CYFIP1: variants seen among roughly 807,000 people sequenced by gnomAD.
The protein encoded by CYFIP1 is cytoplasmic FMR1 interacting protein 1, also known as cytoplasmic FMR1-interacting protein 1.
A neutral mutation model predicts 163.5 loss-of-function variants in CYFIP1; 58 were observed. The observed-to-expected ratio is 0.35, with a 90% CI of 0.29 to 0.44. The LOEUF (loss-of-function observed/expected upper bound fraction) is 0.44. CYFIP1 is among the 20% of genes least tolerant of loss of function. CYFIP1 has a pLI of 1.00. For missense variants in CYFIP1, 1,338 were observed against 1,653.8 expected (o/e 0.81, Z 3.31); for synonymous variants, 663 against 660.7 (o/e 1.00, Z -0.05).
At chr15:22,911,561 T>A (rs2060789286) in intron 18 of CYFIP1, among the ~76,000 whole-genome samples, 1 of 152,178 alleles carries the variant, frequency 6.6e-6, no homozygotes, top group Non-Finnish European at 1.5e-5. Flanking sequence ...CACTATCTCC[T>A]GGAACTGTGA....
chr15:22,923,942 C>CAAAAA (rs916058496), intron 13 of CYFIP1, among the ~76,000 whole-genome samples: 1,407 of 61,786 alleles, frequency 0.023, 98 homozygotes, highest in African/African-American at 0.039. Context: ...ACCTTGTCTC[C>CAAAAA]AAAAAAAAAA....
chr15:22,912,210 T>C lies in CYFIP1; in HGVS notation c.2051A>G (p.Lys684Arg). The C allele has an allele frequency of 6.2e-7, 1 of 1,614,156 alleles. No individual in the cohort carries two copies. The highest frequency in any genetic ancestry group is 8.5e-7 in the Non-Finnish European group (1 of 1,179,988). ...CTCAATTTCGTCGTACAGGAACTGC[T>C]TGTTGAACCTGGTGAGCGCGTAGTG... ...SAHYALTRFN[K>R]QFLYDEIEAE... Residue 684 changes from lysine to arginine, a missense_variant, in exon 18 of 31, where the codon AAG becomes AGG. Transcript: ENST00000617928.
At chr15:22,908,897 C>T (rs2060682339) in intron 21 of CYFIP1, among the ~76,000 whole-genome samples, 1 of 152,154 alleles carries the variant, frequency 6.6e-6, no homozygotes, top group Admixed American at 6.5e-5. Flanking sequence ...TGGTGTGCTA[C>T]CTTTTGCCAT....
intron 10 of CYFIP1, among the ~76,000 whole-genome samples, chr15:22,932,913 T>TC (rs1456437090): frequency 5.3e-5 from 8 of 152,070 alleles, no homozygotes; most frequent in African/African-American, 1.7e-4. Context: ...CACTGCAACC[T>TC]CCACCTCCTA....
chr15:22,951,390 G>T (rs946515375), intron 1 of CYFIP1: 9 of 1,278,556 alleles, frequency 7.0e-6, no homozygotes, highest in Non-Finnish European at 8.2e-6. Context: ...CGGCCGGGTG[G>T]GTGCAGGGTC....
rs1344039373 is a variant in CYFIP1, at chr15:22,903,907, T to C, written c.2389-2A>G. 2.5e-6 allele frequency: 4 copies of C among 1,613,600 alleles called. No homozygotes were observed. Among genetic ancestry groups the C allele is most frequent in the Admixed American group, 3.3e-5 (2 of 59,956 alleles). Reference sequence around the variant, plus strand: ...GATTTCCAACAGGCCATCCAGCTCCTGTGGCACCAAAGACAGGGGTGGGTG... The same window carrying C: ...GATTTCCAACAGGCCATCCAGCTCCCGTGGCACCAAAGACAGGGGTGGGTG... On this transcript the variant is annotated splice_acceptor_variant, in intron 21 of 30. Coordinates refer to ENST00000617928, the MANE Select transcript of CYFIP1 (RefSeq NM_014608.6). LOFTEE classifies it high-confidence loss of function.
At position 22,928,427 on chromosome 15, in the gene CYFIP1, AT is replaced by A. The variant is rs2061428432; in HGVS notation, c.1111-400del. ...AATAAATAAATAAATAAATAAATAA[AT>A]AAATAAAAAGAAAATAAGAAATGCT... On this transcript the variant is annotated intron_variant, in intron 11 of 30. Coordinates refer to ENST00000617928, the MANE Select transcript of CYFIP1 (RefSeq NM_014608.6). Among the ~76,000 whole-genome samples, 3 of 126,138 alleles carry A rather than the reference AT, an allele frequency of 2.4e-5. No homozygotes were observed. The South Asian group carries it at 8.4e-4, about 35-fold the overall frequency. 82.8% of individuals were successfully genotyped at this position (126,138 alleles called of 152,430 possible).
intron 30 of CYFIP1, among the ~76,000 whole-genome samples, chr15:22,870,426 A>T (rs996150886): frequency 1.3e-5 from 2 of 151,870 alleles, no homozygotes; most frequent in African/African-American, 4.8e-5. Context: ...CTCCCACCTC[A>T]GCCTCCTGAG....
intron 10 of CYFIP1, 150 bp downstream of exon 10, chr15:22,933,652 G>C: frequency 1.6e-6 from 1 of 606,944 alleles, no homozygotes; most frequent in South Asian, 2.3e-5. Flanking sequence ...GTAAATAGCC[G>C]CATGTGGCAA....
intron 30 of CYFIP1, among the ~76,000 whole-genome samples, chr15:22,871,726 C>T (rs1452261701): frequency 2.0e-5 from 3 of 152,158 alleles, no homozygotes; most frequent in African/African-American, 7.2e-5. Context: ...GCTGAGACTG[C>T]CCAACCCACC....
chr15:22,925,657 G>A (rs2061333623), intron 13 of CYFIP1, among the ~76,000 whole-genome samples: 1 of 152,142 alleles, frequency 6.6e-6, no homozygotes. Flanking sequence ...TGCAGCGCCT[G>A]CCTCACAGGA....
chr15:22,943,104 T>G, intron 6 of CYFIP1, 69 bp downstream of exon 6: 1 of 1,468,676 alleles, frequency 6.8e-7, no homozygotes, highest in Non-Finnish European at 9.4e-7. Context: ...GCACACCTGC[T>G]GTGCACAAGG....
Position 22,870,057 on chromosome 15 carries a change from G to A in CYFIP1, c.3733C>T (p.Pro1245Ser), listed in dbSNP as rs200911237. Residue 1245 changes from proline (P) to serine (S), a missense_variant, in exon 31 of 31, where the codon CCC becomes TCC. Physicochemically the swap from Pro to Ser is moderately conservative, Grantham distance 74. Transcript: ENST00000617928. ...CTGCTGGCGAGGGACTGGTGGATGG[G>A]CGGCTGGAAGCAGCGCACATGCTCC... is the stretch of plus-strand genomic sequence containing the variant. ...PVEHVRCFQPPIHQSLASS is the reference protein window; with the variant it reads ...PVEHVRCFQPSIHQSLASS 1.5e-5 allele frequency: 24 copies of A among 1,608,338 alleles called. No homozygotes were observed. The highest frequency in any genetic ancestry group is 1.3e-5 in the African/African-American group (1 of 74,558).
chr15:22,904,384 T>C (rs1395036667), intron 21 of CYFIP1: 1 of 223,418 alleles, frequency 4.5e-6, no homozygotes, highest in Non-Finnish European at 9.0e-6. Flanking sequence ...CGTGCGCTGC[T>C]CTGGAGCTCG....
chr15:22,944,530 A>ACC, intron 5 of CYFIP1, 28 bp downstream of exon 5: 1 of 1,486,254 alleles, frequency 6.7e-7, no homozygotes, highest in Non-Finnish European at 9.4e-7. Context: ...TCGGTGTTAC[A>ACC]CCCCCCCCAG....
intron 22 of CYFIP1, among the ~76,000 whole-genome samples, 153 bp from the exon 23 acceptor site, chr15:22,893,130 A>G (rs2060124953): frequency 6.6e-6 from 1 of 152,234 alleles, no homozygotes; most frequent in Admixed American, 6.5e-5. Flanking sequence ...CGAAAACCAT[A>G]GAACGAATGA....
At chr15:22,928,405 A>G (rs201979556) in intron 11 of CYFIP1, among the ~76,000 whole-genome samples, 5 of 69,928 alleles carry the variant, frequency 7.2e-5, no homozygotes, top group Non-Finnish European at 1.4e-4. Context: ...ATAAATAAAT[A>G]AATAAATAAA....
intron 1 of CYFIP1, among the ~76,000 whole-genome samples, chr15:22,953,732 G>A (rs568951104): frequency 1.9e-4 from 29 of 152,304 alleles, no homozygotes; most frequent in South Asian, 1.0e-3. Flanking sequence ...CTGTTCTGCC[G>A]GTGCTACTAG....
In CYFIP1 at chr15:22,909,332, G is replaced by A. The variant is rs991187600; in HGVS notation, c.2269-19C>T. On this transcript the variant is annotated intron_variant, in intron 20 of 30. Transcript: ENST00000617928. ...CGAGGAGCTGGCGTACACAGGGAAG[G>A]ATGGCAGGTAAAGAGTGGACATGAG... is the stretch of plus-strand genomic sequence containing the variant. 6.2e-7 allele frequency: 1 copy of A among 1,613,600 alleles called. No individual in the cohort carries two copies. The highest frequency in any genetic ancestry group is 8.5e-7 in the Non-Finnish European group (1 of 1,179,614).
Sources: gnomAD v4.1 joint callset for allele counts (sites outside exome capture counted in the v4.1 genomes callset) on GRCh38, gnomAD v4.1.1 for gene constraint, MANE v1.5 for transcripts, NCBI Gene and HGNC (gene_info 2026-07-23, HGNC 2026-07-21) for gene names.